The following MCPH1 variants were observed in gnomAD, a reference collection of about 807,000 sequenced individuals.
MCPH1 encodes the protein microcephalin 1, also known as microcephalin.
MCPH1 carries 104 observed loss-of-function variants against 84.5 expected under a neutral mutation model. That is an observed-to-expected ratio of 1.23 (90% CI 1.05 to 1.45). MCPH1 has a LOEUF of 1.45. Among genes scored for constraint, MCPH1 ranks in the 40% most tolerant of loss-of-function variants. The pLI is 0.00. For missense variants in MCPH1, 1,498 were observed against 1,005.7 expected (o/e 1.49, Z -6.62); for synonymous variants, 514 against 366.8 (o/e 1.40, Z -4.58).
intron 9 of MCPH1, among the ~76,000 whole-genome samples, chr8:6,475,268 A>G (rs532289755): frequency 1.3e-5 from 2 of 152,240 alleles, no homozygotes; most frequent in Non-Finnish European, 2.9e-5. Flanking sequence ...AGCAGGGTGC[A>G]AGTGTTTACT....
intron 8 of MCPH1, chr8:6,447,000 TCAGGCAGGGGTGTC>T (rs3217593): frequency 0.8 from 785,268 of 982,944 alleles, 320,574 homozygotes; most frequent in Non-Finnish European, 0.83. Context: ...GTGCAGGCCA[TCAGGCAGGGGTGTC>T]CAGGCAGGGC....
At chr8:6,625,514 C>G in intron 13 of MCPH1, 1 of 983,440 alleles carries the variant, frequency 1.0e-6, no homozygotes, top group Non-Finnish European at 1.2e-6. Flanking sequence ...AGCACCAAAT[C>G]GAAAAAGAAG....
At chr8:6,466,979 A>T (rs1010061751) in intron 9 of MCPH1, among the ~76,000 whole-genome samples, 1 of 152,254 alleles carries the variant, frequency 6.6e-6, no homozygotes, top group Non-Finnish European at 1.5e-5. Flanking sequence ...AAATTATTTG[A>T]TATTAATCCA....
intron 8 of MCPH1, among the ~76,000 whole-genome samples, chr8:6,453,876 G>C (rs1353819209): frequency 1.3e-5 from 2 of 152,154 alleles, no homozygotes; most frequent in Non-Finnish European, 2.9e-5. Flanking sequence ...TTCAGTATTA[G>C]GGATTATGGC....
intron 3 of MCPH1, among the ~76,000 whole-genome samples, chr8:6,426,619 T>C (rs1038749702): frequency 2.0e-5 from 3 of 152,262 alleles, no homozygotes; most frequent in Non-Finnish European, 4.4e-5. Context: ...TAGGTTATTA[T>C]GAATAAAGTT....
intron 11 of MCPH1, among the ~76,000 whole-genome samples, chr8:6,493,653 G>T (rs1372297740): frequency 6.6e-6 from 1 of 152,140 alleles, no homozygotes; most frequent in East Asian, 1.9e-4. Context: ...GGTTCAGTGG[G>T]TCTGGGTCTG....
Position 6,630,684 on chromosome 8 carries a change from G to C in MCPH1, c.2452+8993G>C, listed in dbSNP as rs1797088774. ...TGATCCCAGCTACTTGGGAGGCTGA[G>C]GCAGGAGAATCGCTTGAACCTGGGA... is the stretch of plus-strand genomic sequence containing the variant. On this transcript the variant is annotated intron_variant, in intron 13 of 13. Transcript: ENST00000344683. Among the ~76,000 whole-genome samples, 4 of 151,770 alleles carry C rather than the reference G, an allele frequency of 2.6e-5. No homozygotes were observed. The South Asian group carries it at 6.2e-4, about 24-fold the overall frequency.
At chr8:6,547,380 G>A (rs1215739361) in intron 12 of MCPH1, among the ~76,000 whole-genome samples, 1 of 151,994 alleles carries the variant, frequency 6.6e-6, no homozygotes, top group East Asian at 1.9e-4. Flanking sequence ...TTGCATATGT[G>A]TCTCTTGCAA....
chr8:6,464,645 T>C (rs1473852468), intron 9 of MCPH1, among the ~76,000 whole-genome samples: 1 of 152,164 alleles, frequency 6.6e-6, no homozygotes, highest in East Asian at 1.9e-4. Flanking sequence ...CGGAGGACAT[T>C]TCCCACTGGG....
At chr8:6,588,049 G>C (rs773029256) in intron 12 of MCPH1, among the ~76,000 whole-genome samples, 38 of 152,224 alleles carry the variant, frequency 2.5e-4, no homozygotes, top group Non-Finnish European at 4.1e-4. Context: ...AGAAGTGAAA[G>C]GGTTTCCACT....
chr8:6,530,708 T>C (rs1001575551), intron 12 of MCPH1, among the ~76,000 whole-genome samples: 3 of 152,176 alleles, frequency 2.0e-5, no homozygotes, highest in African/African-American at 7.2e-5. Context: ...TGTTGTGATA[T>C]TGTGGAAAGA....
chr8:6,605,380 A>G (rs1161728212), intron 12 of MCPH1, among the ~76,000 whole-genome samples: 1 of 152,190 alleles, frequency 6.6e-6, no homozygotes, highest in Non-Finnish European at 1.5e-5. Flanking sequence ...TAGAGCAGGG[A>G]GTCCTTGCCT....
chr8:6,488,916 G>C (rs1810255259), intron 11 of MCPH1, among the ~76,000 whole-genome samples: 1 of 152,030 alleles, frequency 6.6e-6, no homozygotes, highest in South Asian at 2.1e-4. Flanking sequence ...GGAGAGAGCA[G>C]GTCGGCGCCC....
intron 9 of MCPH1, among the ~76,000 whole-genome samples, chr8:6,458,599 G>A (rs1004495173): frequency 3.9e-5 from 6 of 151,960 alleles, no homozygotes; most frequent in Admixed American, 2.0e-4. Context: ...CAGGTTAGAA[G>A]GAAGAATGAT....
At chr8:6,568,863 G>A (rs568333072) in intron 12 of MCPH1, among the ~76,000 whole-genome samples, 91 of 152,344 alleles carry the variant, frequency 6.0e-4, no homozygotes, top group African/African-American at 1.6e-3. Context: ...ACTTATTTGG[G>A]CAGCCTGGCC....
In MCPH1 at chr8:6,430,015, C is replaced by T. The variant is rs1294845620; in HGVS notation, c.234-1484C>T. Among the ~76,000 whole-genome samples the T allele has an allele frequency of 2.0e-5, 3 of 152,282 alleles. No homozygotes were observed. The East Asian group carries it at 5.8e-4, about 29-fold the overall frequency. The stretch of plus-strand genomic sequence containing the variant: ...TCATACAAATGGTGTATGTTTTCCC[C>T]ACAATGTCACCCTGTTTGCTGCACT... On this transcript the variant is annotated intron_variant, in intron 3 of 13. Transcript: ENST00000344683.
At chr8:6,513,919 A>C in intron 12 of MCPH1, 1 of 1,343,942 alleles carries the variant, frequency 7.4e-7, no homozygotes, top group Non-Finnish European at 1.0e-6. Flanking sequence ...TAGTCCGTCA[A>C]CTTAACATAG....
intron 9 of MCPH1, among the ~76,000 whole-genome samples, chr8:6,463,934 A>T (rs1806559077): frequency 6.6e-6 from 1 of 152,170 alleles, no homozygotes; most frequent in South Asian, 2.1e-4. Flanking sequence ...TTTAAATTTA[A>T]CTTTCAAGTT....
chr8:6,493,021 T>C (rs76168795), intron 11 of MCPH1, among the ~76,000 whole-genome samples: 16 of 152,318 alleles, frequency 1.1e-4, no homozygotes, highest in Non-Finnish European at 1.0e-4. Context: ...ATTGTCTGTG[T>C]TGGTAATAAT....
Sources: gnomAD v4.1 joint callset for allele counts (sites outside exome capture counted in the v4.1 genomes callset) on GRCh38, gnomAD v4.1.1 for gene constraint, MANE v1.5 for transcripts, NCBI Gene and HGNC (gene_info 2026-07-23, HGNC 2026-07-21) for gene names.